Variants in CADM2 observed in about 807,000 individuals in gnomAD.
The protein encoded by CADM2 is cell adhesion molecule 2, also known as immunoglobulin superfamily member 4D.
In CADM2, 12 loss-of-function variants were observed where a neutral mutation model predicts 49.8. The ratio of observed to expected loss-of-function variants is 0.24; its 90% CI spans 0.15 to 0.39. The LOEUF (loss-of-function observed/expected upper bound fraction) is 0.39, where lower values mean the gene tolerates loss of function less well. Ranked by LOEUF, CADM2 falls within the 10% of genes least tolerant of loss-of-function variation. CADM2 has a pLI of 1.00. For synonymous variants in CADM2, 214 were observed against 175.4 expected (o/e 1.22, Z -1.74); for missense variants, 378 against 492.3 (o/e 0.77, Z 2.20).
At chr3:86,031,294 A>G (rs1376434189) in intron 8 of CADM2, among the ~76,000 whole-genome samples, 1 of 151,840 alleles carries the variant, frequency 6.6e-6, no homozygotes, top group Non-Finnish European at 1.5e-5. Context: ...CTAAATTAGA[A>G]CCCCAAGACA....
At chr3:86,022,424 CTT>C (rs2107057205) in intron 8 of CADM2, among the ~76,000 whole-genome samples, 1 of 152,204 alleles carries the variant, frequency 6.6e-6, no homozygotes, top group African/African-American at 2.4e-5. Context: ...CTCTTTCAAA[CTT>C]ATTTTGTAAT....
At chr3:85,238,605 A>G (rs1029565669) in intron 1 of CADM2, among the ~76,000 whole-genome samples, 1 of 151,958 alleles carries the variant, frequency 6.6e-6, no homozygotes, top group African/African-American at 2.4e-5. Flanking sequence ...ATGACAGTGA[A>G]CAAATGCTTG....
At chr3:85,023,110 A>G (rs942007261) in intron 1 of CADM2, among the ~76,000 whole-genome samples, 4 of 152,166 alleles carry the variant, frequency 2.6e-5, no homozygotes, top group African/African-American at 9.6e-5. Flanking sequence ...AGTGCATTAT[A>G]TGGAAGGGAT....
chr3:86,048,484 G>A (rs115132601), intron 8 of CADM2, among the ~76,000 whole-genome samples: 5,248 of 151,596 alleles, frequency 0.035, 179 homozygotes, highest in African/African-American at 0.085. Context: ...TGATATTAAT[G>A]GCTATTACTG....
At chr3:85,689,498 A>G (rs2066318546) in intron 1 of CADM2, among the ~76,000 whole-genome samples, 1 of 152,220 alleles carries the variant, frequency 6.6e-6, no homozygotes, top group African/African-American at 2.4e-5. Flanking sequence ...TGCATCACAG[A>G]GGACAGATAA....
chr3:85,586,332 G>A (rs2062945000), intron 1 of CADM2, among the ~76,000 whole-genome samples: 1 of 151,918 alleles, frequency 6.6e-6, no homozygotes. Flanking sequence ...CATAGCAAAA[G>A]CCTCCTTAAA....
intron 7 of CADM2, among the ~76,000 whole-genome samples, chr3:85,960,447 G>A (rs148573668): frequency 6.6e-6 from 1 of 151,888 alleles, no homozygotes; most frequent in Non-Finnish European, 1.5e-5. Flanking sequence ...TATTCATCAT[G>A]TTAGAAAGCA....
chr3:85,040,991 A>G (rs983049792), intron 1 of CADM2, among the ~76,000 whole-genome samples: 5 of 152,176 alleles, frequency 3.3e-5, no homozygotes, highest in Non-Finnish European at 7.3e-5. Flanking sequence ...TGTCAAATTG[A>G]CAGTCATCTT....
rs576946252 is a variant in CADM2, at chr3:85,397,534, A to G, written c.62-328988A>G. Reference sequence around the variant, plus strand: ...AAAGCGTGCTTATATAATACAGTGGAATATTATTCAGCCTTAAAAAGGAAT... The same window carrying G: ...AAAGCGTGCTTATATAATACAGTGGGATATTATTCAGCCTTAAAAAGGAAT... On this transcript the variant is annotated intron_variant, in intron 1 of 9. Transcript: ENST00000383699. Among the ~76,000 whole-genome samples the G allele has an allele frequency of 3.3e-5, 5 of 152,288 alleles. No homozygotes were observed. In the East Asian group the frequency reaches 9.6e-4, roughly 29 times the overall value.
chr3:85,881,435 T>C (rs566560238), intron 3 of CADM2, among the ~76,000 whole-genome samples: 7 of 152,282 alleles, frequency 4.6e-5, no homozygotes, highest in African/African-American at 1.7e-4. Context: ...TGGTGTTTAG[T>C]ATGACTAGTA....
chr3:85,016,309 A>G (rs532860105), intron 1 of CADM2, among the ~76,000 whole-genome samples: 22 of 152,332 alleles, frequency 1.4e-4, no homozygotes, highest in African/African-American at 5.3e-4. Context: ...TGAAAAAGTA[A>G]AAAAGAGCCA....
intron 1 of CADM2, among the ~76,000 whole-genome samples, chr3:85,152,819 G>T (rs373335919): frequency 6.6e-6 from 1 of 151,926 alleles, no homozygotes; most frequent in Non-Finnish European, 1.5e-5. Context: ...AAAAATATTT[G>T]CCGGGCGTGG....
chr3:85,202,769 G>C (rs942722874), intron 1 of CADM2, among the ~76,000 whole-genome samples: 5 of 152,234 alleles, frequency 3.3e-5, no homozygotes, highest in African/African-American at 1.2e-4. Context: ...AGCCCTAAAT[G>C]GCACCTTCAT....
At chr3:85,987,582 A>G (rs969789612) in intron 8 of CADM2, among the ~76,000 whole-genome samples, 3 of 147,616 alleles carry the variant, frequency 2.0e-5, no homozygotes, top group South Asian at 2.1e-4. Context: ...ATACATGTTA[A>G]AATAAATAAA....
intron 1 of CADM2, among the ~76,000 whole-genome samples, chr3:85,111,664 A>G (rs2038463655): frequency 6.6e-6 from 1 of 151,788 alleles, no homozygotes; most frequent in African/African-American, 2.4e-5. Context: ...TACCAAAAGA[A>G]TGGATAAGAC....
chr3:85,281,046 TA>T (rs2043487337), intron 1 of CADM2, among the ~76,000 whole-genome samples: 1 of 151,876 alleles, frequency 6.6e-6, no homozygotes, highest in Non-Finnish European at 1.5e-5. Context: ...CATCTAGGAT[TA>T]AATGTAAATT....
chr3:85,246,083 C>T (rs2042639363), intron 1 of CADM2, among the ~76,000 whole-genome samples: 2 of 152,128 alleles, frequency 1.3e-5, no homozygotes, highest in African/African-American at 4.8e-5. Flanking sequence ...GTATTTTAAA[C>T]AGTTACTTTT....
chr3:85,603,571 G>C (rs985712695), intron 1 of CADM2, among the ~76,000 whole-genome samples: 1 of 151,690 alleles, frequency 6.6e-6, no homozygotes, highest in African/African-American at 2.4e-5. Context: ...GGGAAACAAA[G>C]GGGCTATTCA....
intron 1 of CADM2, among the ~76,000 whole-genome samples, chr3:85,571,939 A>G (rs985845878): frequency 6.6e-6 from 1 of 152,162 alleles, no homozygotes; most frequent in Non-Finnish European, 1.5e-5. Flanking sequence ...TAAAAATATG[A>G]CCAACTTCAG....
Sources: gnomAD v4.1 joint callset for allele counts (sites outside exome capture counted in the v4.1 genomes callset) on GRCh38, gnomAD v4.1.1 for gene constraint, MANE v1.5 for transcripts, NCBI Gene and HGNC (gene_info 2026-07-23, HGNC 2026-07-21) for gene names.